Variants in ATL3 observed in about 807,000 individuals in gnomAD.
ATL3 encodes the protein atlastin-3.
Under a neutral mutation model 69.5 loss-of-function variants are expected in ATL3, and 49 were observed. The observed-to-expected ratio is 0.71, with a 90% CI of 0.56 to 0.89. The LOEUF (loss-of-function observed/expected upper bound fraction) is 0.89, where lower values mean the gene tolerates loss of function less well. Among genes scored for constraint, ATL3 ranks in the 40% least tolerant of loss-of-function variants. The pLI, the probability that ATL3 is intolerant of heterozygous loss-of-function variation, is 0.00. For synonymous variants in ATL3, 214 were observed against 224.1 expected (o/e 0.95, Z 0.40); for missense variants, 606 against 645.7 (o/e 0.94, Z 0.67).
Position 63,637,499 on chromosome 11 carries a change from G to A in ATL3, c.851-1165C>T, listed in dbSNP as rs1375892098. ...TTCTATTATCTCCTCAGAGACCCTCGGAACCACCCCAAAATGAAAAGACCA... is the reference window on the plus strand; with the variant it reads ...TTCTATTATCTCCTCAGAGACCCTCAGAACCACCCCAAAATGAAAAGACCA... On this transcript the variant is annotated intron_variant, in intron 8 of 12. Transcript: ENST00000398868. 4.6e-5 allele frequency among the ~76,000 whole-genome samples: 7 copies of A among 151,920 alleles called. No homozygotes were observed. The East Asian group carries it at 9.6e-4, about 21-fold the overall frequency.
chr11:63,646,181 C>T (rs1192444602), intron 6 of ATL3, among the ~76,000 whole-genome samples: 2 of 152,134 alleles, frequency 1.3e-5, no homozygotes, highest in African/African-American at 4.8e-5. Flanking sequence ...TAAGCTACCA[C>T]GCCCAACCCA....
rs749255368 is a variant in ATL3, at chr11:63,643,466, C to G, written c.741G>C (p.Gln247His). 4.3e-6 allele frequency: 7 copies of G among 1,612,214 alleles called. No individual in the cohort carries two copies. The part of the protein sequence containing the change: ...QVKEHQHEEI[Q>H]NVRNHIHSCF... ...ATGAGTGAATGTGATTTCGAACATT[C>G]TGAATTTCTTCATGTTGATGTTCCT... Residue 247 changes from glutamine to histidine, a missense_variant, in exon 8 of 13, where the codon CAG (glutamine) becomes CAC (histidine). Physicochemically the swap from Gln to His is conservative, Grantham distance 24. Coordinates refer to ENST00000398868, the MANE Select transcript of ATL3 (RefSeq NM_015459.5).
rs764921388 is a variant in ATL3, at chr11:63,627,446, A to T, written c.*1873T>A. ...TATGCTGCGAATTTAGGACTTACAA[A>T]AATACTTCAGTGGTAAAGTGTCAAA... On this transcript the variant is annotated 3_prime_UTR_variant, in exon 13 of 13. Transcript: ENST00000398868. The T allele has an allele frequency of 1.3e-5, 2 of 152,230 alleles. No homozygotes were observed. Among genetic ancestry groups the T allele is most frequent in the African/African-American group, 4.8e-5 (2 of 41,460 alleles). The allele number at this position is 152,230 out of a possible 1,614,324, so 9.4% of individuals were successfully genotyped here. A position where few individuals can be genotyped will look rare whatever the true frequency, so the allele number is the denominator to read the frequency against.
upstream of ATL3, chr11:63,671,716 A>T (rs914610128): frequency 1.6e-6 from 2 of 1,275,954 alleles, no homozygotes; most frequent in Non-Finnish European, 2.0e-6. Flanking sequence ...CGGTCCTCAT[A>T]CTGCGCACTC....
chr11:63,663,377 T>C (rs1290557856), intron 1 of ATL3, among the ~76,000 whole-genome samples: 1 of 152,194 alleles, frequency 6.6e-6, no homozygotes, highest in Non-Finnish European at 1.5e-5. Flanking sequence ...CACCTCAGCC[T>C]CCCAGAATGC....
rs1939051286 is a variant in ATL3, at chr11:63,624,813, G to C, written c.*4506C>G. The C allele has an allele frequency of 6.6e-6, 1 of 152,098 alleles. No homozygotes were observed. Among genetic ancestry groups the C allele is most frequent in the Non-Finnish European group, 1.5e-5 (1 of 68,014 alleles). 9.4% of individuals were successfully genotyped at this position (152,098 alleles called of 1,614,324 possible). A position where few individuals can be genotyped will look rare whatever the true frequency, so the allele number is the denominator to read the frequency against. The stretch of plus-strand genomic sequence containing the variant: ...ACTTCTGAACACAGAAAACGCCTGG[G>C]GATTGTACTGGCAAGAGACCACCTA... On this transcript the variant is annotated 3_prime_UTR_variant, in exon 13 of 13. Transcript: ENST00000398868.
At chr11:63,630,131 G>A (rs1169093810) in intron 12 of ATL3, among the ~76,000 whole-genome samples, 4 of 151,804 alleles carry the variant, frequency 2.6e-5, no homozygotes, top group South Asian at 4.2e-4. Flanking sequence ...AGAAGTTGCC[G>A]ACCAGGCGCA....
chr11:63,644,299 T>A, intron 6 of ATL3, 38 bp from the exon 7 acceptor site: 1 of 1,282,940 alleles, frequency 7.8e-7, no homozygotes, highest in Non-Finnish European at 1.1e-6. Context: ...TTAACATGCA[T>A]AAACACATTT....
intron 3 of ATL3, among the ~76,000 whole-genome samples, chr11:63,656,040 C>A (rs927127186): frequency 2.0e-5 from 3 of 151,768 alleles, no homozygotes; most frequent in Non-Finnish European, 4.4e-5. Flanking sequence ...CTGGCTAACA[C>A]AGTGAAACCC....
At chr11:63,671,651 T>A, upstream of ATL3, 1 of 1,398,056 alleles carries the variant, frequency 7.2e-7, no homozygotes, top group East Asian at 3.6e-5. Context: ...GGCGGGGCGC[T>A]GAGTGCTACC....
At chr11:63,637,656 G>T (rs764328742) in intron 8 of ATL3, 1 of 152,078 alleles carries the variant, frequency 6.6e-6, no homozygotes, top group Non-Finnish European at 1.5e-5. Flanking sequence ...AGACACAGGA[G>T]AATTAAAATA....
chr11:63,645,544 G>C (rs1364446452), intron 6 of ATL3, among the ~76,000 whole-genome samples: 2 of 151,444 alleles, frequency 1.3e-5, no homozygotes, highest in Non-Finnish European at 2.9e-5. Context: ...TTTTTGCAGA[G>C]AGAGAGAGAG....
chr11:63,651,883 A>C (rs1378498802), intron 5 of ATL3, 53 bp downstream of exon 5: 2 of 1,550,026 alleles, frequency 1.3e-6, no homozygotes, highest in East Asian at 4.7e-5. Flanking sequence ...ATGTTCCTTA[A>C]TCTTAAAACT....
intron 5 of ATL3, chr11:63,650,708 T>C (rs1389521357): frequency 6.6e-6 from 1 of 152,186 alleles, no homozygotes; most frequent in African/African-American, 2.4e-5. Context: ...AATGTGACCT[T>C]ACATATATCT....
At chr11:63,641,707 A>C (rs1462764648) in intron 8 of ATL3, among the ~76,000 whole-genome samples, 1 of 152,188 alleles carries the variant, frequency 6.6e-6, no homozygotes, top group Admixed American at 6.5e-5. Context: ...CGTTGTCTTA[A>C]GCCACCTAGT....
At position 63,631,058 on chromosome 11, in the gene ATL3, G is replaced by A. The variant is rs200026815; in HGVS notation, c.1521C>T (p.Ala507=). The change falls in exon 12 of 13, where the codon GCC becomes GCT. Residue 507 remains alanine (A), a synonymous_variant. Coordinates refer to ENST00000398868, the MANE Select transcript of ATL3 (RefSeq NM_015459.5). Reference sequence around the variant, plus strand: ...CACTTACCTGCTCCAACACATATGCGGCACCAAAATCAATAGCTCCGCCCA... The same window carrying A: ...CACTTACCTGCTCCAACACATATGCAGCACCAAAATCAATAGCTCCGCCCA... The part of the protein sequence containing the change: ...RELGGAIDFG[A]AYVLEQASSH... 1,875 of 1,612,034 alleles carry A rather than the reference G, an allele frequency of 1.2e-3. 5 individuals are homozygous for A. Among genetic ancestry groups the A allele is most frequent in the Non-Finnish European group, 1.4e-3 (1,672 of 1,178,956 alleles).
intron 6 of ATL3, 141 bp from the exon 7 acceptor site, chr11:63,644,402 TTTA>T: frequency 3.3e-5 from 19 of 584,212 alleles, no homozygotes; most frequent in Middle Eastern, 4.7e-4. Context: ...TTTTTTTTTT[TTTA>T]AAGAGATTGG....
intron 1 of ATL3, among the ~76,000 whole-genome samples, chr11:63,663,210 C>A (rs577895483): frequency 6.6e-6 from 1 of 151,988 alleles, no homozygotes; most frequent in African/African-American, 2.4e-5. Context: ...CCTCAAACTC[C>A]TGGGTTCAAG....
intron 1 of ATL3, among the ~76,000 whole-genome samples, chr11:63,666,285 C>T (rs1047060571): frequency 2.0e-5 from 3 of 152,120 alleles, no homozygotes; most frequent in Admixed American, 6.6e-5. Flanking sequence ...GTGATCCACC[C>T]GCCTCAGCCT....
Sources: gnomAD v4.1 joint callset for allele counts (sites outside exome capture counted in the v4.1 genomes callset) on GRCh38, gnomAD v4.1.1 for gene constraint, MANE v1.5 for transcripts, NCBI Gene and HGNC (gene_info 2026-07-23, HGNC 2026-07-21) for gene names.